The following AUTS2 variants were observed in gnomAD, a reference collection of about 807,000 sequenced individuals.
The protein encoded by AUTS2 is autism susceptibility gene 2 protein.
AUTS2 carries 17 observed loss-of-function variants against 112.4 expected under a neutral mutation model. That is an observed-to-expected ratio of 0.15 (90% CI 0.10 to 0.23). The LOEUF (loss-of-function observed/expected upper bound fraction) is 0.23. AUTS2 is among the 10% of genes least tolerant of loss of function. The probability of loss-of-function intolerance (pLI) is 1.00; values close to 1 mark genes in which losing one functional copy is unlikely to be tolerated. For synonymous variants in AUTS2, 751 were observed against 702.7 expected, an observed-to-expected ratio of 1.07 and a Z score of -1.09; for missense variants, 1,510 against 1,701.6, an observed-to-expected ratio of 0.89 and a Z score of 1.98.
chr7:69,635,452 G>C (rs761589332), intron 1 of AUTS2, among the ~76,000 whole-genome samples: 19 of 152,194 alleles, frequency 1.2e-4, no homozygotes, highest in Non-Finnish European at 8.8e-5. Flanking sequence ...CATCATTACA[G>C]TATCTGCGGG....
At chr7:70,107,527 A>G (rs1199697805) in intron 2 of AUTS2, among the ~76,000 whole-genome samples, 1 of 149,228 alleles carries the variant, frequency 6.7e-6, no homozygotes, top group Non-Finnish European at 1.5e-5. Context: ...TATTTTTAGT[A>G]GAGATGGGGT....
chr7:69,845,943 C>A (rs1222826677), intron 1 of AUTS2, among the ~76,000 whole-genome samples: 1 of 152,164 alleles, frequency 6.6e-6, no homozygotes, highest in Non-Finnish European at 1.5e-5. Context: ...CTTGAGGTAA[C>A]AATAATGATA....
intron 1 of AUTS2, among the ~76,000 whole-genome samples, chr7:69,759,185 G>A (rs1364143799): frequency 6.6e-6 from 1 of 152,070 alleles, no homozygotes; most frequent in Non-Finnish European, 1.5e-5. Context: ...ACACTTAATT[G>A]CTCTGCTGTA....
chr7:69,910,694 T>C (rs1233484240), intron 2 of AUTS2, among the ~76,000 whole-genome samples: 2 of 152,158 alleles, frequency 1.3e-5, no homozygotes, highest in African/African-American at 4.8e-5. Flanking sequence ...AGTGGTGTGA[T>C]CTCAGCTCAC....
At chr7:70,616,223 GC>G (rs1229861006) in intron 5 of AUTS2, among the ~76,000 whole-genome samples, 1 of 152,180 alleles carries the variant, frequency 6.6e-6, no homozygotes, top group Non-Finnish European at 1.5e-5. Context: ...CCAGTGCTAG[GC>G]CTTATGCTAA....
At chr7:70,372,978 C>G (rs1436562981) in intron 4 of AUTS2, among the ~76,000 whole-genome samples, 1 of 152,122 alleles carries the variant, frequency 6.6e-6, no homozygotes, top group Non-Finnish European at 1.5e-5. Flanking sequence ...ATGAGCTGCT[C>G]AAGTTCACAC....
At chr7:70,121,434 A>G (rs1438425063) in intron 3 of AUTS2, among the ~76,000 whole-genome samples, 1 of 152,160 alleles carries the variant, frequency 6.6e-6, no homozygotes, top group Non-Finnish European at 1.5e-5. Context: ...AAGATTTGCA[A>G]ATCATATAAG....
At chr7:70,001,789 C>A (rs760399908) in intron 2 of AUTS2, among the ~76,000 whole-genome samples, 1 of 150,524 alleles carries the variant, frequency 6.6e-6, no homozygotes, top group East Asian at 2.0e-4. Context: ...CTGTTCACTG[C>A]AACCTCTGCC....
intron 5 of AUTS2, among the ~76,000 whole-genome samples, chr7:70,579,244 T>TAAAAAACAAAAAAAAAAAAAAAAAAAAA (rs1802318268): frequency 1.8e-5 from 1 of 55,868 alleles, no homozygotes; most frequent in African/African-American, 6.9e-5. Flanking sequence ...TTCTCTTTTC[T>TAAAAAACAAAAAAAAAAAAAAAAAAAAA]AAAAAAAAAA....
In AUTS2 at chr7:69,940,106, C is replaced by T. The variant is rs1306079609; in HGVS notation, c.522+40608C>T. Among the ~76,000 whole-genome samples the T allele has an allele frequency of 2.0e-5, 3 of 152,174 alleles. No homozygotes were observed. The East Asian group carries it at 5.8e-4, about 29-fold the overall frequency. Reference sequence around the variant, plus strand: ...TATCATTTCTATTTTATAGGTAACACAACCCAGGCACAAAGAGACTAACTC... The same window carrying T: ...TATCATTTCTATTTTATAGGTAACATAACCCAGGCACAAAGAGACTAACTC... On this transcript the variant is annotated intron_variant, in intron 2 of 18. Coordinates refer to ENST00000342771, the MANE Select transcript of AUTS2 (RefSeq NM_015570.4).
intron 5 of AUTS2, among the ~76,000 whole-genome samples, chr7:70,590,198 C>T (rs552856928): frequency 6.5e-4 from 99 of 152,090 alleles, no homozygotes; most frequent in African/African-American, 2.3e-3. Context: ...GGGGCACTGG[C>T]CCCCAGAGAA....
intron 5 of AUTS2, among the ~76,000 whole-genome samples, chr7:70,499,538 T>G (rs1798691413): frequency 6.6e-6 from 1 of 152,198 alleles, no homozygotes; most frequent in Admixed American, 6.5e-5. Flanking sequence ...AGGAAGCTCT[T>G]CTTCCAATTA....
intron 5 of AUTS2, among the ~76,000 whole-genome samples, chr7:70,673,484 A>G (rs572693628): frequency 6.6e-6 from 1 of 151,938 alleles, no homozygotes; most frequent in Non-Finnish European, 1.5e-5. Context: ...CTCATGCCTC[A>G]GCCTCCCAAG....
At chr7:70,628,660 T>C (rs942043304) in intron 5 of AUTS2, among the ~76,000 whole-genome samples, 2 of 151,946 alleles carry the variant, frequency 1.3e-5, no homozygotes, top group African/African-American at 4.8e-5. Context: ...GCCCACTTGG[T>C]TGGTAATCTT....
intron 2 of AUTS2, among the ~76,000 whole-genome samples, chr7:69,980,550 C>T (rs2129550133): frequency 1.3e-5 from 2 of 152,056 alleles, no homozygotes; most frequent in South Asian, 4.2e-4. Flanking sequence ...ATTATCTTTT[C>T]CATACTACAT....
At chr7:70,712,322 A>G (rs145109289) in intron 6 of AUTS2, among the ~76,000 whole-genome samples, 1 of 148,874 alleles carries the variant, frequency 6.7e-6, no homozygotes, top group Non-Finnish European at 1.5e-5. Flanking sequence ...TGCTAGGATT[A>G]CAGGCATGAG....
At chr7:70,144,811 A>G (rs1184527229) in intron 4 of AUTS2, among the ~76,000 whole-genome samples, 1 of 152,082 alleles carries the variant, frequency 6.6e-6, no homozygotes, top group African/African-American at 2.4e-5. Context: ...TTTTTCTGCC[A>G]TGCCACAGTG....
chr7:69,961,457 AC>A (rs750701967), intron 2 of AUTS2, among the ~76,000 whole-genome samples: 2 of 152,146 alleles, frequency 1.3e-5, no homozygotes, highest in African/African-American at 2.4e-5. Flanking sequence ...ATTCTTAGGA[AC>A]CTTTTAGGAA....
intron 4 of AUTS2, among the ~76,000 whole-genome samples, chr7:70,310,825 A>G (rs984117313): frequency 3.3e-5 from 5 of 152,120 alleles, no homozygotes; most frequent in Non-Finnish European, 7.4e-5. Context: ...AAAAGATAAC[A>G]TGGTTTTTCC....
Sources: gnomAD v4.1 joint callset for allele counts (sites outside exome capture counted in the v4.1 genomes callset) on GRCh38, gnomAD v4.1.1 for gene constraint, MANE v1.5 for transcripts, NCBI Gene and HGNC (gene_info 2026-07-23, HGNC 2026-07-21) for gene names.